MTAP: variants seen among roughly 807,000 people sequenced by gnomAD.
MTAP encodes the protein S-methyl-5'-thioadenosine phosphorylase.
Under a neutral mutation model 33.6 loss-of-function variants are expected in MTAP, and 33 were observed. That is an observed-to-expected ratio of 0.98 (90% CI 0.74 to 1.31). The LOEUF (loss-of-function observed/expected upper bound fraction) is 1.31, where lower values mean the gene tolerates loss of function less well. Ranked by LOEUF, MTAP falls within the 40% of genes most tolerant of loss-of-function variation. The pLI is 0.00. For missense variants in MTAP, 367 were observed against 360.0 expected, an observed-to-expected ratio of 1.02 and a Z score of -0.16; for synonymous variants, 148 against 125.7, an observed-to-expected ratio of 1.18 and a Z score of -1.19.
chr9:21,875,385 A>C (rs1290319456), intron 1 of MTAP, among the ~76,000 whole-genome samples: 1 of 152,050 alleles, frequency 6.6e-6, no homozygotes, highest in Non-Finnish European at 1.5e-5. Context: ...TGACTGCATA[A>C]ATGTCTTCTT....
At chr9:21,930,677 T>A (rs1245265801) in intron 1 of MTAP, 1 of 536,950 alleles carries the variant, frequency 1.9e-6, no homozygotes, top group Non-Finnish European at 3.3e-6. Context: ...AAATTAACAC[T>A]TTAGCAGTTG....
intron 1 of MTAP, chr9:21,930,925 A>T: frequency 3.0e-6 from 2 of 656,696 alleles, no homozygotes; most frequent in South Asian, 3.5e-5. Flanking sequence ...TTAGGCCCAC[A>T]TGTTAGCCTC....
At chr9:21,923,304 G>A (rs1818818023) in intron 1 of MTAP, among the ~76,000 whole-genome samples, 1 of 152,172 alleles carries the variant, frequency 6.6e-6, no homozygotes, top group African/African-American at 2.4e-5. Flanking sequence ...GGTGGCTTTT[G>A]AAGCAGTTTT....
At chr9:21,867,268 G>A (rs1040304413), downstream of MTAP, among the ~76,000 whole-genome samples, 2 of 152,156 alleles carry the variant, frequency 1.3e-5, no homozygotes, top group African/African-American at 4.8e-5. Flanking sequence ...CTCAACAGCA[G>A]AGGATAGCGT....
At chr9:21,803,037 C>CGAGGGTACG in intron 1 of MTAP, 1 of 1,076,336 alleles carries the variant, frequency 9.3e-7, no homozygotes, top group South Asian at 2.1e-5. Flanking sequence ...CACACACACA[C>CGAGGGTACG]CACCTTTTGG....
chr9:21,855,097 G>C (rs7039105), intron 6 of MTAP, among the ~76,000 whole-genome samples: 2 of 151,980 alleles, frequency 1.3e-5, no homozygotes, highest in Non-Finnish European at 2.9e-5. Flanking sequence ...ATTGTAGGCA[G>C]GTAGATGTGT....
chr9:21,905,533 A>G (rs1019875927), intron 1 of MTAP, among the ~76,000 whole-genome samples: 3 of 152,212 alleles, frequency 2.0e-5, no homozygotes, highest in African/African-American at 7.2e-5. Flanking sequence ...AGGAACATGG[A>G]AGACTAGAAA....
intron 1 of MTAP, chr9:21,811,901 T>C (rs916085826): frequency 2.7e-6 from 1 of 374,396 alleles, no homozygotes; most frequent in African/African-American, 2.1e-5. Context: ...CACACACAGC[T>C]GTTTTTATAT....
At chr9:21,872,613 T>C (rs1040270863) in intron 1 of MTAP, among the ~76,000 whole-genome samples, 4 of 152,180 alleles carry the variant, frequency 2.6e-5, no homozygotes, top group African/African-American at 9.7e-5. Flanking sequence ...GATCAAAGCT[T>C]ATTTTTCCCT....
intron 3 of MTAP, among the ~76,000 whole-genome samples, 177 bp downstream of exon 3, chr9:21,816,949 T>A (rs1431771123): frequency 6.6e-6 from 1 of 152,206 alleles, no homozygotes; most frequent in East Asian, 1.9e-4. Context: ...ACTTAGGAGA[T>A]CAAAGATCTC....
chr9:21,802,637 T>C lies in MTAP; in HGVS notation c.-112T>C, dbSNP rs750179494. 37 of 1,229,240 alleles carry C rather than the reference T, an allele frequency of 3.0e-5. No individual in the cohort carries two copies. The East Asian group carries it at 9.3e-4, about 31-fold the overall frequency. The allele number at this position is 1,229,240 out of a possible 1,614,324, so 76.1% of individuals were successfully genotyped here. ...GAGGAGTCAAGGCCCGCCCCTGGTC[T>C]CCGCACTGCTCACTCCCGCGCAGTG... On this transcript the variant is annotated 5_prime_UTR_variant, in exon 1 of 8. Transcript: ENST00000644715.
chr9:21,878,511 G>T (rs1396067423), intron 1 of MTAP, among the ~76,000 whole-genome samples: 1 of 151,994 alleles, frequency 6.6e-6, no homozygotes, highest in East Asian at 1.9e-4. Flanking sequence ...TTAGAGACCA[G>T]GTTATGAGAC....
intron 1 of MTAP, among the ~76,000 whole-genome samples, chr9:21,909,610 A>G (rs187043709): frequency 2.6e-5 from 4 of 152,164 alleles, no homozygotes; most frequent in Admixed American, 2.0e-4. Context: ...TACTAAGCTA[A>G]TAAGTAAGCC....
chr9:21,868,684 C>T (rs1450610452), downstream of MTAP, among the ~76,000 whole-genome samples: 1 of 152,164 alleles, frequency 6.6e-6, no homozygotes, highest in African/African-American at 2.4e-5. Flanking sequence ...TGTTCACTTT[C>T]AGCAGGTGAC....
At chr9:21,821,286 T>C (rs1419285778) in intron 4 of MTAP, among the ~76,000 whole-genome samples, 2 of 152,214 alleles carry the variant, frequency 1.3e-5, no homozygotes, top group South Asian at 2.1e-4. Context: ...CTTATTATTT[T>C]GAGCTACGTC....
chr9:21,848,551 C>T (rs950369576), intron 5 of MTAP, among the ~76,000 whole-genome samples: 1 of 152,122 alleles, frequency 6.6e-6, no homozygotes, highest in Non-Finnish European at 1.5e-5. Context: ...TGTGAACAAG[C>T]TGGAAATGCC....
At chr9:21,886,281 A>G (rs965189364) in intron 1 of MTAP, among the ~76,000 whole-genome samples, 1 of 151,890 alleles carries the variant, frequency 6.6e-6, no homozygotes, top group African/African-American at 2.4e-5. Flanking sequence ...TCATATCCTT[A>G]GCCCACATTT....
chr9:21,935,323 T>C (rs368955520), downstream of MTAP: 22 of 152,224 alleles, frequency 1.4e-4, no homozygotes, highest in African/African-American at 5.1e-4. Flanking sequence ...AAAATTAGTA[T>C]AAACAGTTTA....
rs374977313 is a variant in MTAP, at chr9:21,854,696, C to T, written c.516C>T (p.Ile172=). The change falls in exon 6 of 8, where the codon ATC becomes ATT. Residue 172 remains isoleucine, a synonymous_variant. Coordinates refer to ENST00000644715, the MANE Select transcript of MTAP (RefSeq NM_002451.4). ...RCHSKGTMVT[I]EGPRFSSRAE... ...ACTCAAAGGGGACAATGGTCACAAT[C>T]GAGGGACCTCGTTTTAGCTCCCGGG... 46 of 1,613,792 alleles carry T rather than the reference C, an allele frequency of 2.9e-5. No individual in the cohort carries two copies. The highest frequency in any genetic ancestry group is 1.6e-4 in the South Asian group (15 of 91,042).
Sources: allele counts gnomAD v4.1 joint callset (sites outside exome capture counted in the v4.1 genomes callset), GRCh38; gene constraint gnomAD v4.1.1; transcripts MANE v1.5; gene names NCBI Gene and HGNC (gene_info 2026-07-23, HGNC 2026-07-21).